The following POGZ variants were observed in gnomAD, a reference collection of about 807,000 sequenced individuals.
POGZ encodes pogo transposable element with ZNF domain.
POGZ carries 17 observed loss-of-function variants against 134.6 expected under a neutral mutation model. The ratio of observed to expected loss-of-function variants is 0.13; its 90% CI spans 0.09 to 0.19. The LOEUF (loss-of-function observed/expected upper bound fraction) is 0.19, where lower values mean the gene tolerates loss of function less well. POGZ is among the 10% of genes least tolerant of loss of function. The pLI, the probability that POGZ is intolerant of heterozygous loss-of-function variation, is 1.00. For missense variants in POGZ, 1,306 were observed against 1,769.7 expected (o/e 0.74, Z 4.70); for synonymous variants, 693 against 657.1 (o/e 1.05, Z -0.84).
rs777799994 is a variant in POGZ, at chr1:151,408,750, G to A, written c.2005C>T (p.His669Tyr). Residue 669 changes from histidine (H) to tyrosine (Y), a missense_variant, in exon 13 of 19, where the codon CAC becomes TAC. His to Tyr is a moderately conservative substitution (Grantham distance 83). Transcript: ENST00000271715. The part of the protein sequence containing the change: ...AKDKIEHKLQ[H>Y]HKTFRKPKQL... The stretch of plus-strand genomic sequence containing the variant: ...TTGGGTTTACGGAAGGTTTTATGGT[G>A]TTGAAGCTTGTGTTCAATTTTGTCC... 54 of 1,613,882 alleles carry A rather than the reference G, an allele frequency of 3.3e-5. No homozygotes were observed. In the Admixed American group the frequency reaches 4.2e-4, roughly 12 times the overall value.
chr1:151,418,720 T>C (rs1656241112), intron 10 of POGZ, among the ~76,000 whole-genome samples: 1 of 151,860 alleles, frequency 6.6e-6, no homozygotes. Context: ...GCATCAATTC[T>C]TTTTTTTGAA....
rs770204237 is a variant in POGZ at position 151,423,538 on chromosome 1, T to C, written c.1537A>G (p.Met513Val). Residue 513 changes from methionine (M) to valine (V), a missense_variant, in exon 10 of 19, where the codon ATG becomes GTG. By Grantham distance (21) the Met-to-Val change is conservative (BLOSUM62 1). Around this residue, in one of 10 missense-constraint regions of POGZ, gnomAD observed 541 missense variants for 680.5 expected, o/e 0.80. Coordinates refer to ENST00000271715, the MANE Select transcript of POGZ (RefSeq NM_015100.4). ...LKNNIRFMNH[M>V]KHHVELDQQN... ...TGATCGAGTTCTACGTGGTGTTTCA[T>C]ATGGTTCATGAATCTGTAATAAAGC... 6 of 1,613,090 alleles carry C rather than the reference T, an allele frequency of 3.7e-6. No homozygotes were observed. The highest frequency in any genetic ancestry group is 3.4e-6 in the Non-Finnish European group (4 of 1,179,488).
chr1:151,428,474 C>G, intron 5 of POGZ, 61 bp from the exon 6 acceptor site: 1 of 1,397,276 alleles, frequency 7.2e-7, no homozygotes, highest in Non-Finnish European at 1.0e-6. Flanking sequence ...ACACATTCTC[C>G]CTGCCTTTAC....
intron 15 of POGZ, 50 bp downstream of exon 15, chr1:151,408,047 GAAA>G (rs1653998007): frequency 2.3e-5 from 23 of 1,015,520 alleles, no homozygotes; most frequent in African/African-American, 7.9e-5. Context: ...AGAAGAAGAA[GAAA>G]AAAAGAATCT....
Position 151,440,631 on chromosome 1 carries a change from C to A in POGZ, c.283+297G>T, listed in dbSNP as rs184613706. 4.1e-4 allele frequency among the ~76,000 whole-genome samples: 63 copies of A among 152,154 alleles called. No individual in the cohort carries two copies. In the East Asian group the frequency reaches 8.9e-3, roughly 21 times the overall value. On this transcript the variant is annotated intron_variant, in intron 3 of 18. Transcript: ENST00000271715. Reference sequence around the variant, plus strand: ...TAAAGAAACAAAAACAACCAACCAACCAAACAAAAAAATCTTAACAGGAAT... The same window carrying A: ...TAAAGAAACAAAAACAACCAACCAAACAAACAAAAAAATCTTAACAGGAAT...
rs774126419 is a variant in POGZ at position 151,424,110 on chromosome 1, A to G, written c.1362T>C (p.Asn454=). The change falls in exon 9 of 19, where the codon AAT becomes AAC. Residue 454 remains asparagine, a synonymous_variant. Transcript: ENST00000271715. ...LSPPTKVPEP[N]ENVGDAVQTK... is the part of the protein sequence containing the mutation. ...TCTGGACGGCATCGCCCACGTTCTC[A>G]TTTGGTTCTGGTACTTTGGTAGGCG... The G allele has an allele frequency of 6.2e-6, 10 of 1,613,980 alleles. No individual in the cohort carries two copies. The highest frequency in any genetic ancestry group is 8.5e-6 in the Non-Finnish European group (10 of 1,179,972).
chr1:151,405,572 G>C lies in POGZ; in HGVS notation c.3463C>G (p.Pro1155Ala). ...NALQTVGTGEPWCDVVLAILA... is the reference protein window; with the variant it reads ...NALQTVGTGEAWCDVVLAILA... ...ATGGCTAGGACTACATCACACCAAG[G>C]TTCCCCTGTGCCCACTGTCTGCAGG... The change falls in exon 19 of 19, where the codon CCT becomes GCT. Residue 1155 changes from proline to alanine, a missense_variant. Physicochemically the swap from Pro to Ala is conservative, Grantham distance 27 (BLOSUM62 -1). This residue lies in a region of POGZ where 161 missense variants were observed against 185.4 expected (regional missense o/e 0.87). Transcript: ENST00000271715. The surrounding 1 kb of genome is among the most constrained non-coding windows in gnomAD (Gnocchi z 4.9). 6.2e-7 allele frequency: 1 copy of C among 1,614,138 alleles called. No individual in the cohort carries two copies. Among genetic ancestry groups the C allele is most frequent in the Non-Finnish European group, 8.5e-7 (1 of 1,180,014 alleles).
chr1:151,424,570 A>T (rs1328926619), intron 8 of POGZ: 2 of 336,308 alleles, frequency 5.9e-6, no homozygotes, highest in African/African-American at 4.3e-5. Flanking sequence ...AGAAGTTCCA[A>T]CCTTTTTATC....
At chr1:151,438,162 G>GT (rs1019618975) in intron 3 of POGZ, among the ~76,000 whole-genome samples, 1 of 151,736 alleles carries the variant, frequency 6.6e-6, no homozygotes, top group African/African-American at 2.4e-5. Flanking sequence ...AGTGGGCCAA[G>GT]ATCACATCAC....
chr1:151,403,793 G>A lies in POGZ; in HGVS notation c.*1009C>T, dbSNP rs1400823028. On this transcript the variant is annotated 3_prime_UTR_variant, in exon 19 of 19. Transcript: ENST00000271715. ...TTGAACAATTAGCTCCTGGCTGTAG[G>A]ACCAGTAATCCCTTAAACAGGCATG... The A allele has an allele frequency of 3.0e-6, 3 of 985,542 alleles. No individual in the cohort carries two copies. The highest frequency in any genetic ancestry group is 3.6e-6 in the Non-Finnish European group (3 of 829,910). 61.0% of individuals were successfully genotyped at this position (985,542 alleles called of 1,614,324 possible).
At position 151,423,874 on chromosome 1, in the gene POGZ, G is replaced by A. The variant is rs1657350229; in HGVS notation, c.1523+75C>T. 8.3e-6 allele frequency: 10 copies of A among 1,204,252 alleles called. No individual in the cohort carries two copies. The South Asian group carries it at 1.2e-4, about 14-fold the overall frequency. 74.6% of individuals were successfully genotyped at this position (1,204,252 alleles called of 1,614,324 possible). On this transcript the variant is annotated intron_variant, in intron 9 of 18. Coordinates refer to ENST00000271715, the MANE Select transcript of POGZ (RefSeq NM_015100.4). ...AGTAGTTAGGTCCATTCTCCAAAGA[G>A]AAAGACTTAAAATATATAAGAAAAT...
chr1:151,419,232 C>A (rs1450141619), intron 10 of POGZ, among the ~76,000 whole-genome samples: 1 of 151,630 alleles, frequency 6.6e-6, no homozygotes, highest in Admixed American at 6.6e-5. Flanking sequence ...CATGGTGGCA[C>A]ATGCATGTAA....
At chr1:151,408,070 A>G (rs771414136) in intron 15 of POGZ, 30 bp downstream of exon 15, 2 of 1,568,142 alleles carry the variant, frequency 1.3e-6, no homozygotes, top group Admixed American at 4.0e-5. Context: ...TGAACTCTCA[A>G]GCTAAAACAC....
chr1:151,406,570 A>C (rs757230141), intron 18 of POGZ, 37 bp downstream of exon 18: 1 of 1,603,494 alleles, frequency 6.2e-7, no homozygotes, highest in East Asian at 2.2e-5. Flanking sequence ...AACACACTGC[A>C]AACCAGAAAT....
chr1:151,429,552 C>G (rs759135128), intron 5 of POGZ, 51 bp downstream of exon 5: 1 of 924,364 alleles, frequency 1.1e-6, no homozygotes, highest in East Asian at 2.5e-5. Flanking sequence ...ACAATAAAAA[C>G]AAATCTTCTG....
intron 3 of POGZ, among the ~76,000 whole-genome samples, chr1:151,438,034 CTCCA>C (rs1403308079): frequency 1.3e-5 from 2 of 151,926 alleles, no homozygotes; most frequent in African/African-American, 4.8e-5. Flanking sequence ...CACTGTGAAA[CTCCA>C]TCTCTACTAA....
chr1:151,422,262 C>T (rs1034613938), intron 10 of POGZ, among the ~76,000 whole-genome samples: 14 of 152,166 alleles, frequency 9.2e-5, no homozygotes, highest in African/African-American at 3.4e-4. Context: ...TGAAGTATTT[C>T]ACCTATCAAT....
At chr1:151,422,334 C>A (rs1201108184) in intron 10 of POGZ, among the ~76,000 whole-genome samples, 1 of 152,120 alleles carries the variant, frequency 6.6e-6, no homozygotes, top group Non-Finnish European at 1.5e-5. Context: ...CCTATATTTA[C>A]ATAATTTTTG....
At chr1:151,425,826 C>T (rs961655749) in intron 7 of POGZ, among the ~76,000 whole-genome samples, 2 of 152,184 alleles carry the variant, frequency 1.3e-5, no homozygotes, top group African/African-American at 2.4e-5. Context: ...CATAGGTGTA[C>T]AAATACCTGT....
Sources: allele counts gnomAD v4.1 joint callset (sites outside exome capture counted in the v4.1 genomes callset), GRCh38; gene constraint gnomAD v4.1.1; regional missense constraint gnomAD v4.1.1; non-coding constraint Gnocchi (gnomAD v3.1); transcripts MANE v1.5; gene names NCBI Gene and HGNC (gene_info 2026-07-23, HGNC 2026-07-21).